The following PRR12 variants were observed in gnomAD, a reference collection of about 807,000 sequenced individuals.
PRR12 encodes proline rich 12, also known as proline-rich protein 12.
Under a neutral mutation model 138.0 loss-of-function variants are expected in PRR12, and 12 were observed. The ratio of observed to expected loss-of-function variants is 0.09; its 90% CI spans 0.06 to 0.14. PRR12 has a LOEUF of 0.14. Among genes scored for constraint, PRR12 ranks in the 10% least tolerant of loss-of-function variants. PRR12 has a pLI of 1.00. For missense variants in PRR12, 2,692 were observed against 2,861.3 expected (o/e 0.94, Z 1.35); for synonymous variants, 1,567 against 1,291.7 (o/e 1.21, Z -4.57).
intron 9 of PRR12, among the ~76,000 whole-genome samples, chr19:49,619,394 C>T (rs2080909436): frequency 6.6e-6 from 1 of 151,076 alleles, no homozygotes; most frequent in Non-Finnish European, 1.5e-5. Flanking sequence ...CACCACCACA[C>T]CCGGCTAATT....
intron 5 of PRR12, among the ~76,000 whole-genome samples, chr19:49,601,213 A>G (rs1442843931): frequency 1.3e-5 from 2 of 152,092 alleles, no homozygotes; most frequent in Admixed American, 1.3e-4. Flanking sequence ...TGGGAGGGTC[A>G]TTCAGGAAGA....
At position 49,599,537 on chromosome 19, in the gene PRR12, C is replaced by T. The variant is rs200532698; in HGVS notation, c.3944C>T (p.Pro1315Leu). ...PPLSPPKSVP[P>L]SVPARGLQPQ... ...CTCAGCCCTCCCAAGAGTGTGCCAC[C>T]CTCTGTGCCAGCCCGAGGCCTGCAG... Residue 1315 changes from proline to leucine, a missense_variant, in exon 5 of 14, where the codon CCC (proline) becomes CTC (leucine). This residue lies in a region of PRR12 where 326 missense variants were observed against 344.2 expected (regional missense o/e 0.95). Transcript: ENST00000418929. The surrounding 1 kb of genome is among the most constrained non-coding windows in gnomAD (Gnocchi z 5.0). 140 of 1,596,996 alleles carry T rather than the reference C, an allele frequency of 8.8e-5. No individual in the cohort carries two copies. The highest frequency in any genetic ancestry group is 6.8e-4 in the East Asian group (30 of 44,124).
chr19:49,617,522 T>C (rs1000784241), intron 9 of PRR12, among the ~76,000 whole-genome samples: 1 of 152,086 alleles, frequency 6.6e-6, no homozygotes, highest in African/African-American at 2.4e-5. Flanking sequence ...TCCCAGCTAC[T>C]CAGGAGGCTG....
intron 11 of PRR12, among the ~76,000 whole-genome samples, chr19:49,621,960 G>C (rs185625419): frequency 6.6e-5 from 10 of 152,260 alleles, no homozygotes; most frequent in Admixed American, 5.9e-4. Context: ...TCCAATGCAG[G>C]CTATTAGGAT....
intron 9 of PRR12, among the ~76,000 whole-genome samples, chr19:49,617,815 A>G (rs986783116): frequency 3.9e-5 from 6 of 152,132 alleles, no homozygotes; most frequent in Non-Finnish European, 8.8e-5. Context: ...ATGTATAGAA[A>G]ATAAAAGCGG....
At chr19:49,598,108 C>T (rs1294831824) in intron 4 of PRR12, 95 bp downstream of exon 4, 13 of 1,230,244 alleles carry the variant, frequency 1.1e-5, no homozygotes, top group Non-Finnish European at 1.2e-5. Context: ...GAGTCTCGCT[C>T]TGTCGTCCAG....
intron 6 of PRR12, among the ~76,000 whole-genome samples, chr19:49,606,682 T>A (rs1199220087): frequency 6.7e-6 from 1 of 150,062 alleles, no homozygotes; most frequent in Non-Finnish European, 1.5e-5. Flanking sequence ...AGTCTCGCTT[T>A]GTCTCCCAGG....
chr19:49,594,254 T>C lies in PRR12; in HGVS notation c.200-200T>C, dbSNP rs748679908. Among the ~76,000 whole-genome samples the C allele has an allele frequency of 1.3e-5, 2 of 152,180 alleles. No individual in the cohort carries two copies. The highest frequency in any genetic ancestry group is 4.8e-5 in the African/African-American group (2 of 41,434). ...GACTGGATTGCCCCTTGTCTTGCTT[T>C]ACTGTCTCACCTTTCCCCCTTCCCT... is the stretch of plus-strand genomic sequence containing the variant. On this transcript the variant is annotated intron_variant, in intron 2 of 13. Transcript: ENST00000418929. The surrounding 1 kb of genome is among the most constrained non-coding windows in gnomAD (Gnocchi z 5.6).
chr19:49,593,507 T>A, intron 2 of PRR12, 68 bp downstream of exon 2: 1 of 632,024 alleles, frequency 1.6e-6, no homozygotes, highest in Non-Finnish European at 2.7e-6. Context: ...TGATTGGCTG[T>A]TGAAAGTTCC....
At position 49,614,384 on chromosome 19, in the gene PRR12, A is replaced by T; in HGVS notation, c.4774-149A>T. 3.4e-6 allele frequency: 2 copies of T among 587,854 alleles called. No homozygotes were observed. Among genetic ancestry groups the T allele is most frequent in the East Asian group, 5.8e-5 (2 of 34,408 alleles). The allele number at this position is 587,854 out of a possible 1,614,324, so 36.4% of individuals were successfully genotyped here. A position where few individuals can be genotyped will look rare whatever the true frequency, so the allele number is the denominator to read the frequency against. ...GTTCAAGCTGTACACAGAGCTGAAC[A>T]CATCATGGGGGTAGAAGATATTTGT... is the stretch of plus-strand genomic sequence containing the variant. On this transcript the variant is annotated intron_variant, in intron 6 of 13. Coordinates refer to ENST00000418929, the MANE Select transcript of PRR12 (RefSeq NM_020719.3). The surrounding 1 kb of genome is among the most constrained non-coding windows in gnomAD (Gnocchi z 5.0).
rs1555742960 is a variant in PRR12, at chr19:49,611,640, A to AAAACAAAAAAACAAAAAAC, written c.4774-2892_4774-2891insAACAAAAAAACAAAAAACA. ...GCGAAACTCTATCTAAAAAAAAAAA[A>AAAACAAAAAAACAAAAAAC]AGGCCGGGCGCGGTGGCTCACGCCT... is the stretch of plus-strand genomic sequence containing the variant. On this transcript the variant is annotated intron_variant, in intron 6 of 13. Transcript: ENST00000418929. Among the ~76,000 whole-genome samples the AAAACAAAAAAACAAAAAAC allele has an allele frequency of 7.0e-3, 1,053 of 150,092 alleles. 23 individuals are homozygous for AAAACAAAAAAACAAAAAAC. Among genetic ancestry groups the AAAACAAAAAAACAAAAAAC allele is most frequent in the African/African-American group, 0.025 (983 of 40,050 alleles).
chr19:49,625,363 G>T lies in PRR12; in HGVS notation c.5965-98G>T. On this transcript the variant is annotated intron_variant, in intron 13 of 13. Transcript: ENST00000418929. The surrounding 1 kb of genome is among the most constrained non-coding windows in gnomAD (Gnocchi z 5.5). ...CAGCCCCCAGCCCTGGTCTCCCTGG[G>T]ACACTGACATCTGACACCCCAGGCC... The T allele has an allele frequency of 6.9e-7, 1 of 1,449,650 alleles. No homozygotes were observed. The allele number at this position is 1,449,650 out of a possible 1,614,324, so 89.8% of individuals were successfully genotyped here.
At position 49,616,346 on chromosome 19, in the gene PRR12, T is replaced by A; in HGVS notation, c.5497+127T>A. ...ACCAGTATGTTACAGATAATGGCAG[T>A]AGCTCACAGTCACGGGGCATCTCAC... is the stretch of plus-strand genomic sequence containing the variant. On this transcript the variant is annotated intron_variant, in intron 9 of 13. Coordinates refer to ENST00000418929, the MANE Select transcript of PRR12 (RefSeq NM_020719.3). This position sits in a 1 kb window ranked among gnomAD's most constrained non-coding sequence, Gnocchi z 4.2. The A allele has an allele frequency of 2.5e-6, 2 of 813,838 alleles. No individual in the cohort carries two copies. Among genetic ancestry groups the A allele is most frequent in the Non-Finnish European group, 3.6e-6 (2 of 550,720 alleles). 50.4% of individuals were successfully genotyped at this position (813,838 alleles called of 1,614,324 possible). A position where few individuals can be genotyped will look rare whatever the true frequency, so the allele number is the denominator to read the frequency against.
At position 49,615,939 on chromosome 19, in the gene PRR12, GAAGGAA is replaced by G. The variant is rs2080890311; in HGVS notation, c.5223_5228del (p.Glu1745_Lys1746del). 2.6e-6 allele frequency: 4 copies of G among 1,554,482 alleles called. No homozygotes were observed. Among genetic ancestry groups the G allele is most frequent in the East Asian group, 2.4e-5 (1 of 41,030 alleles). On this transcript the variant is annotated inframe_deletion, in exon 9 of 14. Transcript: ENST00000418929. Reference sequence around the variant, plus strand: ...AGCCCTCCCTCCTGCGGCCTGTTGAGAAGGAAAAGGAGAAGGAGAAGGTGACACGTG... The same window carrying G: ...AGCCCTCCCTCCTGCGGCCTGTTGAGAAGGAGAAGGAGAAGGTGACACGTG...
At position 49,595,573 on chromosome 19, in the gene PRR12, C is replaced by T; in HGVS notation, c.1238C>T (p.Ala413Val). 2.5e-6 allele frequency: 4 copies of T among 1,600,978 alleles called. No homozygotes were observed. The highest frequency in any genetic ancestry group is 2.6e-6 in the Non-Finnish European group (3 of 1,174,956). ...AGGCCCCCCCCACCCCGTTCGACCGCCACCCCCAAATGTCAGAGCCTGGGT... is the reference window on the plus strand; with the variant it reads ...AGGCCCCCCCCACCCCGTTCGACCGTCACCCCCAAATGTCAGAGCCTGGGT... ...ATRPPPPRST[A>V]TPKCQSLGGP... The change falls in exon 4 of 14, where the codon GCC becomes GTC. Residue 413 changes from alanine to valine, a missense_variant. By Grantham distance (64) the Ala-to-Val change is moderately conservative (BLOSUM62 0). Coordinates refer to ENST00000418929, the MANE Select transcript of PRR12 (RefSeq NM_020719.3).
At chr19:49,615,213 G>A (rs2080885324) in intron 8 of PRR12, among the ~76,000 whole-genome samples, 1 of 150,324 alleles carries the variant, frequency 6.7e-6, no homozygotes, top group Non-Finnish European at 1.5e-5. Flanking sequence ...GACAGGAGGG[G>A]AACAGAGACC....
Position 49,616,350 on chromosome 19 carries a change from T to A in PRR12, c.5497+131T>A. 1.2e-6 allele frequency: 1 copy of A among 804,866 alleles called. No individual in the cohort carries two copies. Among genetic ancestry groups the A allele is most frequent in the Non-Finnish European group, 1.8e-6 (1 of 546,226 alleles). 49.9% of individuals were successfully genotyped at this position (804,866 alleles called of 1,614,324 possible). ...GTATGTTACAGATAATGGCAGTAGC[T>A]CACAGTCACGGGGCATCTCACTACA... On this transcript the variant is annotated intron_variant, in intron 9 of 13. Transcript: ENST00000418929. The surrounding 1 kb of genome is among the most constrained non-coding windows in gnomAD (Gnocchi z 4.2).
At chr19:49,622,940 G>T (rs1207142177) in intron 11 of PRR12, among the ~76,000 whole-genome samples, 468 of 111,644 alleles carry the variant, frequency 4.2e-3, no homozygotes, top group African/African-American at 8.5e-3. Flanking sequence ...GAGAGAGAGA[G>T]AGAGAGAGAG....
chr19:49,623,655 G>C (rs2080937499), intron 11 of PRR12, among the ~76,000 whole-genome samples: 1 of 151,938 alleles, frequency 6.6e-6, no homozygotes. Flanking sequence ...AAAGAATTCT[G>C]GGGTAGATGG....
Sources: allele counts gnomAD v4.1 joint callset (sites outside exome capture counted in the v4.1 genomes callset), GRCh38; gene constraint gnomAD v4.1.1; regional missense constraint gnomAD v4.1.1; non-coding constraint Gnocchi (gnomAD v3.1); transcripts MANE v1.5; gene names NCBI Gene and HGNC (gene_info 2026-07-23, HGNC 2026-07-21).